Variants in MGAT5 observed in about 807,000 individuals in gnomAD.
MGAT5 encodes the protein alpha-1,6-mannosylglycoprotein 6-beta-N-acetylglucosaminyltransferase.
A neutral mutation model predicts 94.3 loss-of-function variants in MGAT5; 30 were observed. The observed-to-expected ratio is 0.32, with a 90% confidence interval of 0.24 to 0.43. MGAT5 has a LOEUF of 0.43. MGAT5 is among the 20% of genes least tolerant of loss of function. The pLI, the probability that MGAT5 is intolerant of heterozygous loss-of-function variation, is 1.00. For missense variants in MGAT5, 691 were observed against 905.5 expected, an observed-to-expected ratio of 0.76 and a Z score of 3.04; for synonymous variants, 310 against 322.9, an observed-to-expected ratio of 0.96 and a Z score of 0.43.
chr2:134,280,922 T>C (rs914805623), intron 2 of MGAT5, among the ~76,000 whole-genome samples: 1 of 152,234 alleles, frequency 6.6e-6, no homozygotes, highest in Non-Finnish European at 1.5e-5. Flanking sequence ...CAGTGCTTAA[T>C]GGGCATGTAA....
At chr2:134,389,013 G>C (rs982060282) in intron 10 of MGAT5, among the ~76,000 whole-genome samples, 1 of 152,020 alleles carries the variant, frequency 6.6e-6, no homozygotes, top group Non-Finnish European at 1.5e-5. Context: ...GGCCTGCCTC[G>C]GCCTCCCAAA....
At chr2:134,174,897 C>T (rs1191834231) in intron 1 of MGAT5, among the ~76,000 whole-genome samples, 1 of 152,240 alleles carries the variant, frequency 6.6e-6, no homozygotes, top group East Asian at 1.9e-4. Flanking sequence ...GGTGCTTTGC[C>T]TGTGATGCAT....
At chr2:134,286,123 C>T (rs572767212) in intron 2 of MGAT5, among the ~76,000 whole-genome samples, 1 of 152,180 alleles carries the variant, frequency 6.6e-6, no homozygotes, top group Non-Finnish European at 1.5e-5. Flanking sequence ...CTTACCCTTA[C>T]CAAAATTCAG....
At chr2:134,280,241 A>C (rs1011613256) in intron 2 of MGAT5, among the ~76,000 whole-genome samples, 2 of 152,208 alleles carry the variant, frequency 1.3e-5, no homozygotes, top group Non-Finnish European at 2.9e-5. Flanking sequence ...AGAGGGATTC[A>C]ATTAGGGGTG....
At chr2:134,197,897 G>T (rs1312870536) in intron 1 of MGAT5, among the ~76,000 whole-genome samples, 2 of 152,178 alleles carry the variant, frequency 1.3e-5, no homozygotes, top group Admixed American at 1.3e-4. Flanking sequence ...TAACCCAGAG[G>T]TTGGGTAGAT....
At chr2:134,147,368 T>A (rs920534491) in intron 1 of MGAT5, among the ~76,000 whole-genome samples, 31 of 152,230 alleles carry the variant, frequency 2.0e-4, no homozygotes, top group African/African-American at 7.2e-4. Flanking sequence ...ACCTATTGAT[T>A]AAATACTTAG....
chr2:134,242,614 A>G (rs1682030977), intron 1 of MGAT5, among the ~76,000 whole-genome samples: 1 of 152,214 alleles, frequency 6.6e-6, no homozygotes, highest in Non-Finnish European at 1.5e-5. Context: ...TCTGGTTATA[A>G]ACACCAATTG....
chr2:134,175,107 G>A (rs1271959076), intron 1 of MGAT5, among the ~76,000 whole-genome samples: 1 of 152,250 alleles, frequency 6.6e-6, no homozygotes, highest in Non-Finnish European at 1.5e-5. Context: ...GGTGTGTGGA[G>A]CAGCAGAGCA....
chr2:134,147,158 T>A (rs1411178751), intron 1 of MGAT5, among the ~76,000 whole-genome samples: 1 of 152,214 alleles, frequency 6.6e-6, no homozygotes, highest in Non-Finnish European at 1.5e-5. Flanking sequence ...TTCTTAGTCA[T>A]TTTGTTTCTT....
chr2:134,125,677 C>T (rs1685808633), intron 1 of MGAT5, among the ~76,000 whole-genome samples: 1 of 152,194 alleles, frequency 6.6e-6, no homozygotes, highest in South Asian at 2.1e-4. Context: ...AATTGATGGC[C>T]ACTGGGCATC....
intron 1 of MGAT5, among the ~76,000 whole-genome samples, chr2:134,153,513 T>A (rs1573755040): frequency 6.6e-6 from 1 of 152,198 alleles, no homozygotes; most frequent in Non-Finnish European, 1.5e-5. Context: ...TGGTGGGAGA[T>A]GCTGTCTTGT....
chr2:134,354,449 A>T (rs1679593687), intron 9 of MGAT5, among the ~76,000 whole-genome samples: 1 of 152,188 alleles, frequency 6.6e-6, no homozygotes, highest in South Asian at 2.1e-4. Context: ...ATTGGGATGC[A>T]TCTTGAGGAA....
chr2:134,147,139 GT>G (rs1396702161), intron 1 of MGAT5, among the ~76,000 whole-genome samples: 1 of 152,144 alleles, frequency 6.6e-6, no homozygotes, highest in Non-Finnish European at 1.5e-5. Context: ...CCATCAGACT[GT>G]TTTGAAGTTC....
chr2:134,423,394 AGACATT>A (rs1363557937), intron 13 of MGAT5, among the ~76,000 whole-genome samples: 1 of 152,220 alleles, frequency 6.6e-6, no homozygotes, highest in African/African-American at 2.4e-5. Context: ...TCAATTCAAC[AGACATT>A]TGTGAGGTAC....
intron 2 of MGAT5, among the ~76,000 whole-genome samples, chr2:134,275,652 CA>C (rs946659331): frequency 4.9e-5 from 7 of 142,768 alleles, no homozygotes; most frequent in Non-Finnish European, 9.0e-5. Flanking sequence ...GGCACTATCA[CA>C]GCTCTTTGCA....
chr2:134,187,118 C>T (rs550515944), intron 1 of MGAT5, among the ~76,000 whole-genome samples: 5 of 152,124 alleles, frequency 3.3e-5, no homozygotes, highest in South Asian at 4.2e-4. Flanking sequence ...AGCCAGGGGC[C>T]GAGTGTGGAG....
intron 1 of MGAT5, among the ~76,000 whole-genome samples, chr2:134,189,611 T>TG (rs1369842568): frequency 7.4e-6 from 1 of 135,392 alleles, no homozygotes; most frequent in African/African-American, 2.8e-5. Flanking sequence ...TGTTTTTTTT[T>TG]TTTTTTTTTA....
intron 2 of MGAT5, among the ~76,000 whole-genome samples, chr2:134,272,752 T>C (rs2105653623): frequency 6.6e-6 from 1 of 152,358 alleles, no homozygotes; most frequent in East Asian, 1.9e-4. Flanking sequence ...CTGTTGGTAC[T>C]GGAGTCCCCT....
In MGAT5 at chr2:134,171,541, A is replaced by G. The variant is rs16830146; in HGVS notation, c.-143+51250A>G. ...AAGTGAGATAATAATTTTTAGACAA[A>G]TGCCTCTGGGTGTCGAAGTGATAGG... is the stretch of plus-strand genomic sequence containing the variant. On this transcript the variant is annotated intron_variant, in intron 1 of 16. Coordinates refer to the MGAT5 transcript ENST00000409645. 2.5e-3 allele frequency among the ~76,000 whole-genome samples: 374 copies of G among 152,242 alleles called. 2 individuals carry two copies. Among genetic ancestry groups the G allele is most frequent in the African/African-American group, 8.1e-3 (337 of 41,546 alleles).
Sources: allele counts gnomAD v4.1 joint callset (sites outside exome capture counted in the v4.1 genomes callset), GRCh38; gene constraint gnomAD v4.1.1; transcripts MANE v1.5; gene names NCBI Gene and HGNC (gene_info 2026-07-23, HGNC 2026-07-21).